FAM3A: variants seen among roughly 807,000 people sequenced by gnomAD.
FAM3A encodes the protein FAM3 metabolism regulating signaling molecule A.
Under a neutral mutation model 18.1 loss-of-function variants are expected in FAM3A, and 5 were observed. The observed-to-expected ratio is 0.28, with a 90% CI of 0.14 to 0.58. The LOEUF (loss-of-function observed/expected upper bound fraction) is 0.58. FAM3A is among the 20% of genes least tolerant of loss of function. FAM3A has a pLI of 0.91. For synonymous variants in FAM3A, 108 were observed against 90.2 expected (o/e 1.20, Z -1.12); for missense variants, 154 against 216.6 (o/e 0.71, Z 1.81).
At position 154,506,760 on chromosome X, in the gene FAM3A, C is replaced by T. The variant is rs374290361; in HGVS notation, c.*51G>A. On this transcript the variant is annotated 3_prime_UTR_variant, in exon 9 of 9. Coordinates refer to ENST00000447601, the MANE Select transcript of FAM3A (RefSeq NM_021806.4). The stretch of plus-strand genomic sequence containing the variant: ...CAGCCTCTGTCCGCCCGGCAGCGCG[C>T]GTGCCTCCCTTGGTCTGGCCTCCCT... 11 of 1,058,459 alleles carry T rather than the reference C, an allele frequency of 1.0e-5. No homozygotes were observed. Among genetic ancestry groups the T allele is most frequent in the African/African-American group, 3.7e-5 (2 of 54,605 alleles). 87.2% of individuals were successfully genotyped at this position (1,058,459 alleles called of 1,213,427 possible). A position where few individuals can be genotyped will look rare whatever the true frequency, so the allele number is the denominator to read the frequency against.
intron 3 of FAM3A, chrX:154,510,609 C>T (rs782196819): frequency 7.6e-5 from 8 of 105,623 alleles, no homozygotes; most frequent in South Asian, 4.2e-4. Context: ...AGTTATTGGG[C>T]GCTGGAGGAA....
chrX:154,506,525 A>C lies in FAM3A; in HGVS notation c.*286T>G. 5 of 334,601 alleles carry C rather than the reference A, an allele frequency of 1.5e-5. No individual in the cohort carries two copies. Among genetic ancestry groups the C allele is most frequent in the Non-Finnish European group, 2.1e-5 (4 of 186,504 alleles). The allele number at this position is 334,601 out of a possible 1,213,427, so 27.6% of individuals were successfully genotyped here. ...GATGGGGATGGAGATGGCGTGAGGAATGGAGGACAGGGCTAGATGGGCTGA... is the reference window on the plus strand; with the variant it reads ...GATGGGGATGGAGATGGCGTGAGGACTGGAGGACAGGGCTAGATGGGCTGA... On this transcript the variant is annotated 3_prime_UTR_variant, in exon 9 of 9. Transcript: ENST00000447601.
At chrX:154,513,350 G>A (rs1435054931) in intron 1 of FAM3A, among the ~76,000 whole-genome samples, 2 of 111,834 alleles carry the variant, frequency 1.8e-5, no homozygotes, top group African/African-American at 3.2e-5. Context: ...GACCAGTCCC[G>A]GCCGGGCGCA....
Position 154,508,364 on chromosome X carries a change from G to C in FAM3A, c.276-17C>G, listed in dbSNP as rs781896093. The C allele has an allele frequency of 5.4e-6, 2 of 368,034 alleles. No homozygotes were observed. Among genetic ancestry groups the C allele is most frequent in the Non-Finnish European group, 4.9e-6 (1 of 205,757 alleles). The allele number at this position is 368,034 out of a possible 1,213,427, so 30.3% of individuals were successfully genotyped here. A position where few individuals can be genotyped will look rare whatever the true frequency, so the allele number is the denominator to read the frequency against. On this transcript the variant is annotated splice_polypyrimidine_tract_variant and intron_variant, in intron 4 of 8. Coordinates refer to ENST00000447601, the MANE Select transcript of FAM3A (RefSeq NM_021806.4). ...CTCATCAGCCTAGTTGGGGGGGGGTGGGGGGGACGGGGAGATCCCACATGG... is the reference window on the plus strand; with the variant it reads ...CTCATCAGCCTAGTTGGGGGGGGGTCGGGGGGACGGGGAGATCCCACATGG...
intron 1 of FAM3A, 50 bp from the exon 2 acceptor site, chrX:154,512,986 C>A: frequency 1.2e-6 from 1 of 825,388 alleles, no homozygotes; most frequent in Non-Finnish European, 1.8e-6. Context: ...ACCAGCGAAC[C>A]CCAGAATGAC....
At chrX:154,511,550 CA>C (rs1255337899) in intron 3 of FAM3A, 15 of 317,435 alleles carry the variant, frequency 4.7e-5, no homozygotes, top group Non-Finnish European at 6.7e-5. Flanking sequence ...GCCTTGAAAC[CA>C]AATGAATTTT....
chrX:154,515,838 A>C lies in FAM3A; in HGVS notation c.-66T>G. On this transcript the variant is annotated 5_prime_UTR_variant, in exon 1 of 9. Transcript: ENST00000447601. Reference sequence around the variant, plus strand: ...CTGTTTGGGGGCAAAGCGGAAGGACAGGTTTGGGTGGGGGTCAGGGGCAAG... The same window carrying C: ...CTGTTTGGGGGCAAAGCGGAAGGACCGGTTTGGGTGGGGGTCAGGGGCAAG... 9.2e-7 allele frequency: 1 copy of C among 1,084,083 alleles called. No individual in the cohort carries two copies. The highest frequency in any genetic ancestry group is 1.3e-6 in the Non-Finnish European group (1 of 795,195). 89.3% of individuals were successfully genotyped at this position (1,084,083 alleles called of 1,213,427 possible).
In FAM3A at chrX:154,506,341, G is replaced by A. The variant is rs140976222; in HGVS notation, c.*470C>T. ...CAGTCAGGCTCATGAAGCAGCCACC[G>A]GGTTTGGCTCACTGGAAGGAATCAC... On this transcript the variant is annotated 3_prime_UTR_variant, in exon 9 of 9. Transcript: ENST00000447601. The A allele has an allele frequency of 9.1e-3, 1,076 of 118,138 alleles. 15 individuals are homozygous for A. The highest frequency in any genetic ancestry group is 0.032 in the African/African-American group (995 of 30,918). The allele number at this position is 118,138 out of a possible 1,213,427, so 9.7% of individuals were successfully genotyped here. A position where few individuals can be genotyped will look rare whatever the true frequency, so the allele number is the denominator to read the frequency against.
At chrX:154,508,241 G>A (rs2069665714) in intron 5 of FAM3A, 48 bp downstream of exon 5, 2 of 1,000,399 alleles carry the variant, frequency 2.0e-6, no homozygotes, top group African/African-American at 3.9e-5. Flanking sequence ...CTCCTGGGGA[G>A]GGAGCAGGGA....
At chrX:154,509,267 G>A (rs2069737101) in intron 3 of FAM3A, 1 of 125,867 alleles carries the variant, frequency 7.9e-6, no homozygotes, top group Non-Finnish European at 1.7e-5. Flanking sequence ...AGAGGCCAAG[G>A]TATGCCTGGG....
intron 1 of FAM3A, among the ~76,000 whole-genome samples, chrX:154,514,606 A>G (rs369220036): frequency 1.3e-4 from 14 of 110,307 alleles, no homozygotes; most frequent in South Asian, 7.7e-4. Context: ...GGGTTTCACC[A>G]TGTTAGCCAG....
In FAM3A at chrX:154,507,261, C is replaced by T. The variant is rs1557219195; in HGVS notation, c.539G>A (p.Arg180Gln). 4 of 1,210,779 alleles carry T rather than the reference C, an allele frequency of 3.3e-6. No homozygotes were observed. The highest frequency in any genetic ancestry group is 1.8e-5 in the South Asian group (1 of 56,786). Residue 180 changes from arginine (R) to glutamine (Q), a missense_variant, in exon 8 of 9, where the codon CGG becomes CAG. By Grantham distance (43) the Arg-to-Gln change is conservative (BLOSUM62 1). Around this residue, in one of 3 missense-constraint regions of FAM3A, gnomAD observed 3 missense variants for 18.1 expected, o/e 0.17. Transcript: ENST00000447601. The stretch of plus-strand genomic sequence containing the variant: ...GGCCCCGACAAACACCCAGCTGTCC[C>T]GGAAGGCCAGCTCCTTGGCGTTCCT... ...GSRNAKELAFRDSWVFVGAKG... is the reference protein window; with the variant it reads ...GSRNAKELAFQDSWVFVGAKG...
rs1311612304 is a variant in FAM3A at position 154,511,948 on chromosome X, C to CG, written c.128-78dup. The CG allele has an allele frequency of 9.2e-6, 9 of 975,427 alleles. No individual in the cohort carries two copies. In the Admixed American group the frequency reaches 2.1e-4, roughly 22 times the overall value. 80.4% of individuals were successfully genotyped at this position (975,427 alleles called of 1,213,427 possible). A position where few individuals can be genotyped will look rare whatever the true frequency, so the allele number is the denominator to read the frequency against. The stretch of plus-strand genomic sequence containing the variant: ...CAGGGCAGCCTGGCCCTCCTTACAC[C>CG]GCGAAGTGTAGACACAGGCAGTCAG... On this transcript the variant is annotated intron_variant, in intron 2 of 8. Transcript: ENST00000447601.
At chrX:154,514,410 A>AT (rs1161245207) in intron 1 of FAM3A, among the ~76,000 whole-genome samples, 50 of 100,938 alleles carry the variant, frequency 5.0e-4, no homozygotes, top group Admixed American at 1.3e-3. Flanking sequence ...TGCCTGGCTA[A>AT]TTTTTTTTTT....
chrX:154,511,843 C>T lies in FAM3A; in HGVS notation c.151+5G>A. The T allele has an allele frequency of 8.3e-7, 1 of 1,209,200 alleles. No homozygotes were observed. Among genetic ancestry groups the T allele is most frequent in the Non-Finnish European group, 1.1e-6 (1 of 893,711 alleles). ...GGAGGAGCAGGGAGGTGACAGGGGCCTTACCTGCAGTCACCGAGCTCTCTG... is the reference window on the plus strand; with the variant it reads ...GGAGGAGCAGGGAGGTGACAGGGGCTTTACCTGCAGTCACCGAGCTCTCTG... On this transcript the variant is annotated splice_donor_5th_base_variant and intron_variant, in intron 3 of 8. Coordinates refer to ENST00000447601, the MANE Select transcript of FAM3A (RefSeq NM_021806.4).
rs1217537919 is a variant in FAM3A at position 154,506,793 on chromosome X, G to A, written c.*18C>T. ...CCTTGGTCTGGCCTCCCTCGGCCCG[G>A]TCCTGGCACTGGCCGTGCTAGCTGG... On this transcript the variant is annotated 3_prime_UTR_variant, in exon 9 of 9. Coordinates refer to ENST00000447601, the MANE Select transcript of FAM3A (RefSeq NM_021806.4). 2 of 1,199,278 alleles carry A rather than the reference G, an allele frequency of 1.7e-6. No individual in the cohort carries two copies. Among genetic ancestry groups the A allele is most frequent in the East Asian group, 5.9e-5 (2 of 33,789 alleles).
chrX:154,507,467 T>C lies in FAM3A; in HGVS notation c.409A>G (p.Ile137Val), dbSNP rs782258617. Reference protein sequence around the residue: ...AGDVNDLLKFIRPLHEGTLVF... With the variant: ...AGDVNDLLKFVRPLHEGTLVF... ...AGGGTGCCTTCGTGCAGTGGCCGAATAAACTTCAACAGGTCGTTGACATCT... is the reference window on the plus strand; with the variant it reads ...AGGGTGCCTTCGTGCAGTGGCCGAACAAACTTCAACAGGTCGTTGACATCT... Residue 137 changes from isoleucine to valine, a missense_variant, in exon 7 of 9, where the codon ATT (isoleucine) becomes GTT (valine). By Grantham distance (29) the Ile-to-Val change is conservative. Transcript: ENST00000447601. 51 of 1,209,224 alleles carry C rather than the reference T, an allele frequency of 4.2e-5. No individual in the cohort carries two copies. In the Middle Eastern group the frequency reaches 1.2e-3, roughly 28 times the overall value.
At chrX:154,509,726 G>A (rs1419773631) in intron 3 of FAM3A, 1 of 111,562 alleles carries the variant, frequency 9.0e-6, no homozygotes. Flanking sequence ...GAAAAAAGGG[G>A]GCTGAACTTC....
At chrX:154,512,263 T>TAAG (rs1157142749) in intron 2 of FAM3A, 173 of 158,242 alleles carry the variant, frequency 1.1e-3, no homozygotes, top group Non-Finnish European at 1.2e-3. Context: ...ATAATAATAA[T>TAAG]AATAAGAAGA....
Sources: allele counts gnomAD v4.1 joint callset (sites outside exome capture counted in the v4.1 genomes callset), GRCh38; gene constraint gnomAD v4.1.1; regional missense constraint gnomAD v4.1.1; transcripts MANE v1.5; gene names NCBI Gene and HGNC (gene_info 2026-07-23, HGNC 2026-07-21).